Variants in DNAH11 observed in about 807,000 individuals in gnomAD.
DNAH11 encodes axonemal beta dynein heavy chain 11.
Under a neutral mutation model 526.0 loss-of-function variants are expected in DNAH11, and 442 were observed. That is an observed-to-expected ratio of 0.84 (90% CI 0.78 to 0.91). DNAH11 has a LOEUF of 0.91. Among genes scored for constraint, DNAH11 ranks in the 40% least tolerant of loss-of-function variants. The probability of loss-of-function intolerance (pLI) is 0.00; values close to 1 mark genes in which losing one functional copy is unlikely to be tolerated. For synonymous variants in DNAH11, 2,461 were observed against 1,935.9 expected, an observed-to-expected ratio of 1.27 and a Z score of -7.12; for missense variants, 6,989 against 5,448.7, an observed-to-expected ratio of 1.28 and a Z score of -8.90.
At chr7:21,783,047 G>A (rs1199969030) in intron 57 of DNAH11, among the ~76,000 whole-genome samples, 13 of 151,982 alleles carry the variant, frequency 8.6e-5, no homozygotes, top group Admixed American at 2.0e-4. Context: ...TTAACAAACA[G>A]CATTTATAGA....
At chr7:21,586,225 CATT>C (rs544466629) in intron 9 of DNAH11, among the ~76,000 whole-genome samples, 27 of 152,228 alleles carry the variant, frequency 1.8e-4, no homozygotes, top group Non-Finnish European at 4.0e-4. Flanking sequence ...GTATTCTTTC[CATT>C]GTGGTCAATA....
chr7:21,888,216 A>G (rs1402983141), intron 76 of DNAH11, among the ~76,000 whole-genome samples: 10 of 152,188 alleles, frequency 6.6e-5, no homozygotes, highest in Non-Finnish European at 1.3e-4. Context: ...TAATGTCTAA[A>G]AATCCCTAAC....
intron 76 of DNAH11, among the ~76,000 whole-genome samples, chr7:21,888,996 A>C (rs1583815133): frequency 4.9e-5 from 7 of 143,608 alleles, no homozygotes; most frequent in Admixed American, 7.1e-5. Context: ...TTTATTACCC[A>C]CGCCCCACCC....
At position 21,589,374 on chromosome 7, in the gene DNAH11, G is replaced by A. The variant is rs1393527464; in HGVS notation, c.2140G>A (p.Gly714Ser). Residue 714 changes from glycine to serine, a missense_variant, in exon 12 of 82, where the codon GGT (glycine) becomes AGT (serine). Physicochemically the swap from Gly to Ser is moderately conservative, Grantham distance 56 (BLOSUM62 0). Coordinates refer to ENST00000409508, the MANE Select transcript of DNAH11 (RefSeq NM_001277115.2). ...CTTGGTTAAATTCAGTGCCATAAAT[G>A]GTCTTCTCTGTGTCAATTTTGACCC... ...QPLVKFSAIN[G>S]LLCVNFDPKL... 3 of 1,605,702 alleles carry A rather than the reference G, an allele frequency of 1.9e-6. No individual in the cohort carries two copies. In the African/African-American group the frequency reaches 4.0e-5, roughly 22 times the overall value.
intron 30 of DNAH11, 33 bp downstream of exon 30, chr7:21,659,064 A>G (rs1284307430): frequency 6.7e-7 from 1 of 1,484,072 alleles, no homozygotes; most frequent in Non-Finnish European, 9.1e-7. Flanking sequence ...TGAGACATAA[A>G]GGAACTTCAA....
intron 76 of DNAH11, among the ~76,000 whole-genome samples, chr7:21,890,352 A>C (rs754795927): frequency 2.0e-5 from 3 of 152,218 alleles, no homozygotes; most frequent in Admixed American, 6.5e-5. Flanking sequence ...CTTTCCAAAG[A>C]GCATGGGCCA....
chr7:21,600,758 T>C lies in DNAH11; in HGVS notation c.3083T>C (p.Leu1028Ser), dbSNP rs372817321. The C allele has an allele frequency of 1.2e-6, 2 of 1,613,722 alleles. No individual in the cohort carries two copies. Among genetic ancestry groups the C allele is most frequent in the African/African-American group, 2.7e-5 (2 of 74,900 alleles). ...GTGGTGAATGTCATCAACAAAGTCT[T>C]AGATTTCAGAAACACCCTGGAGACC... is the stretch of plus-strand genomic sequence containing the variant. ...NRVVNVINKVLDFRNTLETHT... is the reference protein window; with the variant it reads ...NRVVNVINKVSDFRNTLETHT... Residue 1028 changes from leucine to serine, a missense_variant, in exon 16 of 82, where the codon TTA becomes TCA. Coordinates refer to ENST00000409508, the MANE Select transcript of DNAH11 (RefSeq NM_001277115.2).
rs1044239901 is a variant in DNAH11 at position 21,749,899 on chromosome 7, T to C, written c.8797+98T>C. ...AGAGAGAGAATTCGTCTTTGAGATG[T>C]TTGCTGGGCAGTCTTTGGGGAGAAA... On this transcript the variant is annotated intron_variant, in intron 53 of 81. Coordinates refer to ENST00000409508, the MANE Select transcript of DNAH11 (RefSeq NM_001277115.2). 9 of 1,554,642 alleles carry C rather than the reference T, an allele frequency of 5.8e-6. No homozygotes were observed. In the African/African-American group the frequency reaches 1.2e-4, roughly 21 times the overall value.
intron 63 of DNAH11, 81 bp downstream of exon 63, chr7:21,808,130 C>A (rs547353829): frequency 3.5e-6 from 4 of 1,150,522 alleles, no homozygotes; most frequent in Admixed American, 3.5e-5. Context: ...ATATGCCAGG[C>A]GCTTTTGGAC....
chr7:21,874,528 G>T (rs1008768212), intron 74 of DNAH11, among the ~76,000 whole-genome samples: 1 of 151,904 alleles, frequency 6.6e-6, no homozygotes, highest in Non-Finnish European at 1.5e-5. Context: ...TAGAGACAGG[G>T]TTTCATCATG....
intron 22 of DNAH11, among the ~76,000 whole-genome samples, chr7:21,617,109 C>T (rs997110651): frequency 6.6e-6 from 1 of 152,144 alleles, no homozygotes; most frequent in Admixed American, 6.5e-5. Flanking sequence ...TTCACAATTG[C>T]TGATGTTTTT....
chr7:21,872,138 A>AAAAAAACAAAAAAAC (rs1554291069), intron 73 of DNAH11, among the ~76,000 whole-genome samples: 4 of 129,002 alleles, frequency 3.1e-5, no homozygotes, highest in African/African-American at 6.8e-5. Flanking sequence ...AAAAAAAAAA[A>AAAAAAACAAAAAAAC]AAAAAAAAAA....
chr7:21,556,993 A>T (rs1783245701), intron 2 of DNAH11, among the ~76,000 whole-genome samples: 1 of 151,748 alleles, frequency 6.6e-6, no homozygotes, highest in Non-Finnish European at 1.5e-5. Context: ...CCCAGGAGAC[A>T]TGGAGGATGG....
At chr7:21,589,628 T>C (rs1431346199) in intron 12 of DNAH11, among the ~76,000 whole-genome samples, 1 of 152,170 alleles carries the variant, frequency 6.6e-6, no homozygotes, top group Non-Finnish European at 1.5e-5. Context: ...CACGCCACCC[T>C]CACTAGATAA....
intron 25 of DNAH11, among the ~76,000 whole-genome samples, chr7:21,625,643 A>C (rs778041020): frequency 6.6e-5 from 10 of 152,096 alleles, no homozygotes; most frequent in Non-Finnish European, 1.3e-4. Context: ...ATTGCTAAAA[A>C]CTTCCCTCTT....
chr7:21,738,877 C>T lies in DNAH11; in HGVS notation c.7811+11C>T, dbSNP rs998561684. 2 of 1,573,242 alleles carry T rather than the reference C, an allele frequency of 1.3e-6. No individual in the cohort carries two copies. The highest frequency in any genetic ancestry group is 1.9e-5 in the Admixed American group (1 of 52,440). On this transcript the variant is annotated intron_variant, in intron 47 of 81. Coordinates refer to ENST00000409508, the MANE Select transcript of DNAH11 (RefSeq NM_001277115.2). ...TGATTATGGACATTGGTAAGCAAGT[C>T]TCTGTAGTTTACTCTCTCCCAAAAT...
chr7:21,584,712 C>G (rs1784426773), intron 9 of DNAH11, among the ~76,000 whole-genome samples: 1 of 152,112 alleles, frequency 6.6e-6, no homozygotes, highest in Non-Finnish European at 1.5e-5. Context: ...GGTATACTTG[C>G]TAGTATATTT....
intron 45 of DNAH11, 142 bp downstream of exon 45, chr7:21,726,126 C>A: frequency 1.2e-6 from 1 of 865,010 alleles, no homozygotes. Flanking sequence ...ATGCTGGCAT[C>A]TGCTGAGCTT....
chr7:21,866,631 A>C lies in DNAH11; in HGVS notation c.11658A>C (p.Ala3886=). 2 of 1,613,770 alleles carry C rather than the reference A, an allele frequency of 1.2e-6. No homozygotes were observed. Among genetic ancestry groups the C allele is most frequent in the South Asian group, 1.1e-5 (1 of 91,032 alleles). ...TACAGAAGCTGATTCTTCTGAGAGC[A>C]ATGCGCCCTGACAGAATGACGTATG... ...SLIQKLILLR[A]MRPDRMTYAL... Residue 3886 remains alanine, a synonymous_variant, in exon 71 of 82, where the codon GCA becomes GCC. Coordinates refer to ENST00000409508, the MANE Select transcript of DNAH11 (RefSeq NM_001277115.2).
Sources: gnomAD v4.1 joint callset for allele counts (sites outside exome capture counted in the v4.1 genomes callset) on GRCh38, gnomAD v4.1.1 for gene constraint, MANE v1.5 for transcripts, NCBI Gene and HGNC (gene_info 2026-07-23, HGNC 2026-07-21) for gene names.